The following RGS6 variants were observed in gnomAD, a reference collection of about 807,000 sequenced individuals.
RGS6 encodes regulator of G protein signaling 6, also known as regulator of G-protein signaling 6.
RGS6 carries 30 observed loss-of-function variants against 78.5 expected under a neutral mutation model. That is an observed-to-expected ratio of 0.38 (90% CI 0.29 to 0.52). The LOEUF (loss-of-function observed/expected upper bound fraction) is 0.52. Among genes scored for constraint, RGS6 ranks in the 20% least tolerant of loss-of-function variants. The probability of loss-of-function intolerance (pLI) is 0.85; values close to 1 mark genes in which losing one functional copy is unlikely to be tolerated. For missense variants in RGS6, 495 were observed against 609.7 expected, an observed-to-expected ratio of 0.81 and a Z score of 1.98; for synonymous variants, 206 against 206.0, an observed-to-expected ratio of 1.00 and a Z score of 0.00.
chr14:72,261,706 C>T (rs753245507), intron 2 of RGS6, among the ~76,000 whole-genome samples: 19 of 152,186 alleles, frequency 1.2e-4, no homozygotes, highest in East Asian at 3.9e-4. Context: ...GGCACCTTCT[C>T]TTGCCATCTT....
chr14:72,141,469 C>T (rs2096538446), intron 2 of RGS6, among the ~76,000 whole-genome samples: 1 of 152,172 alleles, frequency 6.6e-6, no homozygotes, highest in Non-Finnish European at 1.5e-5. Flanking sequence ...AGGGACAGAA[C>T]TGAGTTTCTT....
intron 2 of RGS6, among the ~76,000 whole-genome samples, chr14:72,333,208 A>C (rs1446074648): frequency 6.6e-6 from 1 of 152,344 alleles, no homozygotes; most frequent in Non-Finnish European, 1.5e-5. Flanking sequence ...TTGAAATGCT[A>C]TTCCTGGCAA....
intron 2 of RGS6, among the ~76,000 whole-genome samples, chr14:72,040,261 C>T (rs1229443216): frequency 1.3e-5 from 2 of 152,024 alleles, no homozygotes; most frequent in African/African-American, 2.4e-5. Context: ...ATATTGATAT[C>T]TAGGATCCTT....
chr14:72,003,262 T>C (rs2083838392), intron 2 of RGS6, among the ~76,000 whole-genome samples: 1 of 152,204 alleles, frequency 6.6e-6, no homozygotes, highest in Non-Finnish European at 1.5e-5. Context: ...GATATTCACA[T>C]ACTATACAAT....
the RGS6 span, among the ~76,000 whole-genome samples, chr14:72,612,993 C>CGTGTGTGTGTGT: frequency 2.4e-3 from 354 of 148,946 alleles, 1 homozygote; most frequent in East Asian, 0.022. Context: ...TTAAGTAGGG[C>CGTGTGTGTGTGT]GTGTGTGTGT....
chr14:72,102,891 C>T (rs778538352), intron 2 of RGS6, among the ~76,000 whole-genome samples: 9 of 152,084 alleles, frequency 5.9e-5, no homozygotes, highest in Non-Finnish European at 1.2e-4. Context: ...CAAGTTCACA[C>T]TCAGGGTTCG....
At chr14:72,403,038 AC>A (rs1347780157) in intron 3 of RGS6, among the ~76,000 whole-genome samples, 2 of 151,656 alleles carry the variant, frequency 1.3e-5, no homozygotes, top group Non-Finnish European at 2.9e-5. Context: ...TCATCTGCCC[AC>A]TTTGGCCTCC....
intron 14 of RGS6, among the ~76,000 whole-genome samples, chr14:72,517,829 A>G (rs897819981): frequency 1.3e-5 from 2 of 152,176 alleles, no homozygotes; most frequent in Non-Finnish European, 2.9e-5. Flanking sequence ...ACTAGATTTG[A>G]CAAAGGGTCT....
intron 2 of RGS6, among the ~76,000 whole-genome samples, chr14:72,118,158 T>TA (rs397853465): frequency 0.079 from 11,570 of 146,578 alleles, 555 homozygotes; most frequent in African/African-American, 0.14. Flanking sequence ...CACTGCCATT[T>TA]AAAAAAAAAA....
chr14:72,142,120 T>TA (rs908043830), intron 2 of RGS6, among the ~76,000 whole-genome samples: 5 of 152,072 alleles, frequency 3.3e-5, no homozygotes, highest in African/African-American at 2.4e-5. Context: ...GCTGAGTTCT[T>TA]AAAAAAACCT....
At chr14:72,477,488 GA>G (rs33976138) in intron 11 of RGS6, among the ~76,000 whole-genome samples, 80,000 of 149,492 alleles carry the variant, frequency 0.54, 22,124 homozygotes, top group East Asian at 0.8. Context: ...ATGGATATAT[GA>G]AAAAAAAAAG....
the RGS6 span, among the ~76,000 whole-genome samples, chr14:71,913,771 T>C: frequency 1.3e-5 from 2 of 152,256 alleles, no homozygotes; most frequent in Non-Finnish European, 2.9e-5. Context: ...TGGAGTCTAA[T>C]TGGATACAGA....
chr14:72,443,097 C>T (rs1368232477), intron 3 of RGS6, among the ~76,000 whole-genome samples: 1 of 152,136 alleles, frequency 6.6e-6, no homozygotes, highest in Non-Finnish European at 1.5e-5. Flanking sequence ...GGAATCTCCA[C>T]CAGGAGATCA....
rs141296095 is a variant in RGS6 at position 72,176,105 on chromosome 14, C to A, written c.85-175990C>A. On this transcript the variant is annotated intron_variant, in intron 2 of 17. Coordinates refer to ENST00000553525, the MANE Select transcript of RGS6 (RefSeq NM_001204424.2). ...GCAAATCTCATAGGTGGCCCTGAGT[C>A]CCTGTGATTTTTCCAGTCCACCCCT... Among the ~76,000 whole-genome samples, 1,088 of 152,264 alleles carry A rather than the reference C, an allele frequency of 7.1e-3. 35 individuals carry two copies. Among genetic ancestry groups the A allele is most frequent in the Admixed American group, 0.055 (848 of 15,300 alleles).
chr14:72,181,850 A>G (rs2097177127), intron 2 of RGS6, among the ~76,000 whole-genome samples: 1 of 152,196 alleles, frequency 6.6e-6, no homozygotes, highest in Non-Finnish European at 1.5e-5. Flanking sequence ...AAAATTAACT[A>G]GAGTTACCAA....
At position 71,998,631 on chromosome 14, in the gene RGS6, G is replaced by A. The variant is rs906282149; in HGVS notation, c.84+33756G>A. 3.9e-5 allele frequency among the ~76,000 whole-genome samples: 6 copies of A among 152,300 alleles called. No individual in the cohort carries two copies. In the East Asian group the frequency reaches 7.7e-4, roughly 20 times the overall value. On this transcript the variant is annotated intron_variant, in intron 2 of 17. Transcript: ENST00000553525. ...AGTGAACAGTCAAATAGAAGCCAAA[G>A]CATGGCCCTCATCTCACTTCCACCT...
chr14:71,880,464 G>A, the RGS6 span, among the ~76,000 whole-genome samples: 6 of 152,268 alleles, frequency 3.9e-5, no homozygotes, highest in African/African-American at 1.4e-4. Context: ...AAGACAGAGT[G>A]GTTTTGTGGG....
chr14:72,323,505 C>G (rs1231742063), intron 2 of RGS6, among the ~76,000 whole-genome samples: 2 of 150,738 alleles, frequency 1.3e-5, no homozygotes, highest in Non-Finnish European at 3.0e-5. Flanking sequence ...GAAGCCCAAC[C>G]CAAAAGTTTC....
intron 2 of RGS6, among the ~76,000 whole-genome samples, chr14:72,302,381 AT>A (rs904691211): frequency 2.9e-4 from 44 of 152,258 alleles, no homozygotes; most frequent in African/African-American, 1.0e-3. Context: ...CCAGGAGAGC[AT>A]CACTATATAA....
Sources: allele counts gnomAD v4.1 joint callset (sites outside exome capture counted in the v4.1 genomes callset), GRCh38; gene constraint gnomAD v4.1.1; transcripts MANE v1.5; gene names NCBI Gene and HGNC (gene_info 2026-07-23, HGNC 2026-07-21).